ARHGAP18: variants seen among roughly 807,000 people sequenced by gnomAD.
ARHGAP18 encodes rho GTPase-activating protein 18.
ARHGAP18 carries 67 observed loss-of-function variants against 86.2 expected under a neutral mutation model. That is an observed-to-expected ratio of 0.78 (90% CI 0.64 to 0.95). ARHGAP18 has a LOEUF of 0.95. Ranked by LOEUF, ARHGAP18 falls within the 40% of genes least tolerant of loss-of-function variation. ARHGAP18 has a pLI of 0.00. For synonymous variants in ARHGAP18, 283 were observed against 280.4 expected, an observed-to-expected ratio of 1.01 and a Z score of -0.09; for missense variants, 691 against 780.4, an observed-to-expected ratio of 0.89 and a Z score of 1.37.
intron 1 of ARHGAP18, among the ~76,000 whole-genome samples, chr6:129,700,329 A>G (rs1472949812): frequency 6.6e-6 from 1 of 152,226 alleles, no homozygotes; most frequent in Non-Finnish European, 1.5e-5. Flanking sequence ...TTTCCATCTT[A>G]TTAAGAGTAA....
In ARHGAP18 at chr6:129,623,973, T is replaced by C. The variant is rs943526366; in HGVS notation, c.787-5121A>G. Among the ~76,000 whole-genome samples the C allele has an allele frequency of 2.0e-5, 3 of 152,086 alleles. No individual in the cohort carries two copies. The East Asian group carries it at 5.8e-4, about 29-fold the overall frequency. ...TGGCAAATATGGAACAACAGAGGGG[T>C]AGAAATGGAGAGGTCATTTTAAACT... On this transcript the variant is annotated intron_variant, in intron 5 of 14. Coordinates refer to ENST00000368149, the MANE Select transcript of ARHGAP18 (RefSeq NM_033515.3).
chr6:129,659,505 T>C (rs1323241306), intron 1 of ARHGAP18, among the ~76,000 whole-genome samples: 1 of 152,112 alleles, frequency 6.6e-6, no homozygotes, highest in Non-Finnish European at 1.5e-5. Flanking sequence ...AGTCTCACTG[T>C]CACCCAGGCT....
rs1490826127 is a variant in ARHGAP18 at position 129,634,028 on chromosome 6, C to T, written c.616+14G>A. On this transcript the variant is annotated intron_variant, in intron 4 of 14. Transcript: ENST00000368149. ...GCGGAAAAAAAAAAAAACAAGAGAA[C>T]AGGTTCAACATACCATCTCTTCCTT... 3 of 1,565,300 alleles carry T rather than the reference C, an allele frequency of 1.9e-6. No homozygotes were observed. Among genetic ancestry groups the T allele is most frequent in the Admixed American group, 1.9e-5 (1 of 53,654 alleles).
At chr6:129,665,432 C>T (rs1196363379) in intron 1 of ARHGAP18, among the ~76,000 whole-genome samples, 1 of 152,064 alleles carries the variant, frequency 6.6e-6, no homozygotes, top group East Asian at 1.9e-4. Flanking sequence ...TGCCTGTAGT[C>T]ACAGCTACTC....
chr6:129,637,052 T>TTTGTTG (rs547977121), intron 3 of ARHGAP18, among the ~76,000 whole-genome samples: 26 of 151,904 alleles, frequency 1.7e-4, no homozygotes, highest in Non-Finnish European at 2.4e-4. Context: ...CTTGTACTGT[T>TTTGTTG]TTGTTGTTGT....
Position 129,710,010 on chromosome 6 carries a change from T to C in ARHGAP18, c.113+14A>G. 2 of 1,606,122 alleles carry C rather than the reference T, an allele frequency of 1.2e-6. No homozygotes were observed. The highest frequency in any genetic ancestry group is 1.7e-6 in the Non-Finnish European group (2 of 1,172,746). ...AAGAGGGTTTTGTTTTGTTTTCAGC[T>C]TCCGAAGGCTTACCTCGAGGTGGCT... On this transcript the variant is annotated intron_variant, in intron 1 of 14. Coordinates refer to ENST00000368149, the MANE Select transcript of ARHGAP18 (RefSeq NM_033515.3).
intron 1 of ARHGAP18, among the ~76,000 whole-genome samples, chr6:129,702,009 C>T (rs1774718639): frequency 6.6e-6 from 1 of 152,170 alleles, no homozygotes; most frequent in South Asian, 2.1e-4. Flanking sequence ...AGAAGAGATG[C>T]CTCCTTTCCC....
chr6:129,709,575 A>G (rs1470930888), intron 1 of ARHGAP18, among the ~76,000 whole-genome samples: 1 of 152,246 alleles, frequency 6.6e-6, no homozygotes, highest in Non-Finnish European at 1.5e-5. Context: ...GAGGGGGGAA[A>G]AAAAACACTC....
At chr6:129,591,411 G>A (rs1033920819) in intron 12 of ARHGAP18, among the ~76,000 whole-genome samples, 1 of 152,098 alleles carries the variant, frequency 6.6e-6, no homozygotes, top group African/African-American at 2.4e-5. Flanking sequence ...GAGAAGGGCA[G>A]TATTTGACTA....
intron 14 of ARHGAP18, among the ~76,000 whole-genome samples, chr6:129,579,322 A>G (rs1426884450): frequency 6.6e-6 from 1 of 152,130 alleles, no homozygotes; most frequent in Non-Finnish European, 1.5e-5. Flanking sequence ...ATTTAAGAAT[A>G]AACCTTCACA....
chr6:129,660,497 GA>G (rs34282960), intron 1 of ARHGAP18, among the ~76,000 whole-genome samples: 74,343 of 151,800 alleles, frequency 0.49, 18,822 homozygotes, highest in African/African-American at 0.61. Flanking sequence ...GTGAAGATAG[GA>G]AAAAAAAGAG....
intron 1 of ARHGAP18, among the ~76,000 whole-genome samples, chr6:129,653,949 GA>G (rs1294120579): frequency 6.6e-6 from 1 of 152,152 alleles, no homozygotes; most frequent in Non-Finnish European, 1.5e-5. Flanking sequence ...AGGCTGAGGT[GA>G]GAGGATCCCT....
At chr6:129,600,878 T>C (rs1483733843) in intron 10 of ARHGAP18, 30 bp from the exon 11 acceptor site, 2 of 1,569,764 alleles carry the variant, frequency 1.3e-6, no homozygotes, top group African/African-American at 1.4e-5. Context: ...TTGAGATTTG[T>C]GTCATATATG....
intron 1 of ARHGAP18, among the ~76,000 whole-genome samples, chr6:129,686,185 A>G (rs530990914): frequency 6.6e-6 from 1 of 152,278 alleles, no homozygotes; most frequent in African/African-American, 2.4e-5. Flanking sequence ...TTCTTTTCCC[A>G]GCAGGGCCGT....
At chr6:129,643,157 C>A (rs981356286) in intron 1 of ARHGAP18, among the ~76,000 whole-genome samples, 8 of 151,928 alleles carry the variant, frequency 5.3e-5, no homozygotes, top group Admixed American at 3.9e-4. Flanking sequence ...GAAGACCATG[C>A]CCGATTCCTT....
chr6:129,633,841 C>A (rs1043756708), intron 4 of ARHGAP18, among the ~76,000 whole-genome samples: 6 of 151,934 alleles, frequency 3.9e-5, no homozygotes, highest in African/African-American at 1.4e-4. Flanking sequence ...CATTTTGAAT[C>A]AGAAAATAGG....
chr6:129,652,940 C>T (rs910704531), intron 1 of ARHGAP18, among the ~76,000 whole-genome samples: 1 of 152,038 alleles, frequency 6.6e-6, no homozygotes, highest in African/African-American at 2.4e-5. Flanking sequence ...AAATATATTG[C>T]CCTTCAGTAG....
At chr6:129,680,416 T>C (rs28628359) in intron 1 of ARHGAP18, among the ~76,000 whole-genome samples, 48 of 152,358 alleles carry the variant, frequency 3.2e-4, no homozygotes, top group Non-Finnish European at 6.2e-4. Flanking sequence ...TAAATTATAC[T>C]GGGAAGTACC....
At position 129,600,767 on chromosome 6, in the gene ARHGAP18, C is replaced by T. The variant is rs760927946; in HGVS notation, c.1447G>A (p.Ala483Thr). ...GCATGACACATAAAGAGATTCGGGG[C>T]CATGACCATTGCTACATTCATGACT... Reference protein sequence around the residue: ...MTVMNVAMVMAPNLFMCHALG... With the variant: ...MTVMNVAMVMTPNLFMCHALG... Residue 483 changes from alanine to threonine, a missense_variant, in exon 11 of 15, where the codon GCC becomes ACC. Coordinates refer to ENST00000368149, the MANE Select transcript of ARHGAP18 (RefSeq NM_033515.3). 2 of 1,613,682 alleles carry T rather than the reference C, an allele frequency of 1.2e-6. No homozygotes were observed. Among genetic ancestry groups the T allele is most frequent in the Admixed American group, 3.3e-5 (2 of 59,928 alleles).
Sources: gnomAD v4.1 joint callset for allele counts (sites outside exome capture counted in the v4.1 genomes callset) on GRCh38, gnomAD v4.1.1 for gene constraint, MANE v1.5 for transcripts, NCBI Gene and HGNC (gene_info 2026-07-23, HGNC 2026-07-21) for gene names.